The following ELF1 variants were observed in gnomAD, a reference collection of about 807,000 sequenced individuals.
ELF1 encodes E74 like ETS transcription factor 1.
Under a neutral mutation model 59.9 loss-of-function variants are expected in ELF1, and 24 were observed. The observed-to-expected ratio is 0.40, with a 90% CI of 0.29 to 0.56. ELF1 has a LOEUF of 0.56. Among genes scored for constraint, ELF1 ranks in the 20% least tolerant of loss-of-function variants. ELF1 has a pLI of 0.44. For missense variants in ELF1, 627 were observed against 742.2 expected (o/e 0.84, Z 1.80); for synonymous variants, 248 against 266.2 (o/e 0.93, Z 0.67).
chr13:40,972,234 T>G (rs1015008212), intron 2 of ELF1, among the ~76,000 whole-genome samples: 2 of 152,164 alleles, frequency 1.3e-5, no homozygotes, highest in Non-Finnish European at 2.9e-5. Flanking sequence ...TCTCCCAGAA[T>G]GGAAAATTCA....
upstream of ELF1, among the ~76,000 whole-genome samples, chr13:41,024,160 G>C (rs1235763139): frequency 1.3e-5 from 2 of 152,144 alleles, no homozygotes; most frequent in Middle Eastern, 3.2e-3. Flanking sequence ...TAAAAATAAT[G>C]TATCTTTTAC....
chr13:40,962,057 C>G (rs1224736337), intron 2 of ELF1, among the ~76,000 whole-genome samples: 1 of 152,186 alleles, frequency 6.6e-6, no homozygotes, highest in African/African-American at 2.4e-5. Flanking sequence ...CTTGTTACTA[C>G]TTTATTCCTT....
chr13:41,029,061 A>T (rs1485922948), intron 1 of ELF1, among the ~76,000 whole-genome samples: 1 of 152,154 alleles, frequency 6.6e-6, no homozygotes, highest in Non-Finnish European at 1.5e-5. Flanking sequence ...TTAATTTTAC[A>T]TCATATAATT....
intron 1 of ELF1, among the ~76,000 whole-genome samples, chr13:40,987,967 T>C (rs944415055): frequency 6.6e-6 from 1 of 150,990 alleles, no homozygotes; most frequent in Non-Finnish European, 1.5e-5. Context: ...GAAAACAGAG[T>C]AAGAAAGTGA....
At chr13:40,987,069 G>A (rs1873590593) in intron 1 of ELF1, among the ~76,000 whole-genome samples, 1 of 149,900 alleles carries the variant, frequency 6.7e-6, no homozygotes. Flanking sequence ...CTGAGTAGCT[G>A]GGACTACAGG....
rs182769915 is a variant in ELF1 at position 41,055,827 on chromosome 13, G to A, written c.-229+5011C>T. Among the ~76,000 whole-genome samples the A allele has an allele frequency of 1.9e-3, 285 of 151,770 alleles. 2 individuals carry two copies. Among genetic ancestry groups the A allele is most frequent in the African/African-American group, 6.5e-3 (271 of 41,396 alleles). ...AGCCTCCTGAGGAGCTGGGACTACA[G>A]GAACGCACCACCACACCAGCTAATT... On this transcript the variant is annotated intron_variant, in intron 1 of 1. Transcript: ENST00000405737.
At chr13:41,016,234 T>A (rs1013595282) in intron 1 of ELF1, among the ~76,000 whole-genome samples, 3 of 152,186 alleles carry the variant, frequency 2.0e-5, no homozygotes, top group Non-Finnish European at 4.4e-5. Context: ...TTTAGGACAA[T>A]GATGGCCACA....
intron 1 of ELF1, among the ~76,000 whole-genome samples, chr13:41,050,991 G>A (rs1483048018): frequency 2.6e-5 from 4 of 152,060 alleles, no homozygotes; most frequent in Admixed American, 2.6e-4. Context: ...GCTTTGTTTT[G>A]TTTTAATAGG....
At chr13:40,978,102 G>A (rs956755350) in intron 2 of ELF1, among the ~76,000 whole-genome samples, 3 of 152,130 alleles carry the variant, frequency 2.0e-5, no homozygotes, top group African/African-American at 7.2e-5. Flanking sequence ...AATGTAGGCC[G>A]GGGGCGGTGG....
intron 1 of ELF1, among the ~76,000 whole-genome samples, chr13:41,042,304 CT>C (rs60867312): frequency 7.3e-4 from 107 of 146,504 alleles, no homozygotes; most frequent in African/African-American, 1.9e-3. Context: ...TTTTCTTTTT[CT>C]TTTTTTTTTT....
chr13:40,993,052 T>C, intron 1 of ELF1: 3 of 1,605,230 alleles, frequency 1.9e-6, no homozygotes, highest in Non-Finnish European at 2.6e-6. Context: ...AAAAGGTTTC[T>C]TCCTGCTGGG....
chr13:41,030,148 C>T (rs1278099488), intron 1 of ELF1, among the ~76,000 whole-genome samples: 2 of 151,860 alleles, frequency 1.3e-5, no homozygotes, highest in Non-Finnish European at 2.9e-5. Flanking sequence ...GACACTCCAT[C>T]ATTTAGAAGT....
In ELF1 at chr13:40,933,516, T is replaced by A. The variant is rs1420680961; in HGVS notation, c.1769A>T (p.Gln590Leu). ...ENTEKTEQQP[Q>L]PYVMVVSSSN... is the part of the protein sequence containing the mutation. Reference sequence around the variant, plus strand: ...ACTGGACACTACCATCACATAAGGCTGTGGCTGCTGCTCCGTTTTCTCAGT... The same window carrying A: ...ACTGGACACTACCATCACATAAGGCAGTGGCTGCTGCTCCGTTTTCTCAGT... The change falls in exon 9 of 9, where the codon CAG becomes CTG. Residue 590 changes from glutamine (Q) to leucine (L), a missense_variant. By Grantham distance (113) the Gln-to-Leu change is moderately radical. Around this residue, in one of 3 missense-constraint regions of ELF1, gnomAD observed 361 missense variants for 396.1 expected, o/e 0.91. Transcript: ENST00000239882. The A allele has an allele frequency of 4.3e-6, 7 of 1,614,152 alleles. No individual in the cohort carries two copies. The highest frequency in any genetic ancestry group is 1.7e-5 in the Admixed American group (1 of 60,008).
At chr13:40,969,030 T>A (rs1872362893) in intron 2 of ELF1, among the ~76,000 whole-genome samples, 1 of 152,158 alleles carries the variant, frequency 6.6e-6, no homozygotes, top group African/African-American at 2.4e-5. Context: ...ACCTATTCCT[T>A]ATTATAAAAT....
chr13:41,014,600 T>C (rs983131895), intron 1 of ELF1, among the ~76,000 whole-genome samples: 1 of 152,156 alleles, frequency 6.6e-6, no homozygotes, highest in African/African-American at 2.4e-5. Context: ...TCCATACTAA[T>C]GGAAGGAAGA....
At chr13:41,051,979 C>T (rs1447658694) in intron 1 of ELF1, among the ~76,000 whole-genome samples, 13 of 129,552 alleles carry the variant, frequency 1.0e-4, no homozygotes, top group African/African-American at 3.9e-4. Context: ...CTCAGTCTGT[C>T]GCCCAGGCTA....
intron 1 of ELF1, among the ~76,000 whole-genome samples, chr13:40,994,961 AG>A (rs1163722898): frequency 6.6e-6 from 1 of 152,134 alleles, no homozygotes; most frequent in African/African-American, 2.4e-5. Context: ...GGGGGTGAAA[AG>A]CCAGGGATAT....
chr13:40,967,008 A>T (rs905828447), intron 2 of ELF1, among the ~76,000 whole-genome samples: 1 of 152,144 alleles, frequency 6.6e-6, no homozygotes, highest in Non-Finnish European at 1.5e-5. Flanking sequence ...AGCTCCCCTG[A>T]CTCCAAAGCC....
At chr13:41,057,457 G>A (rs948686781) in intron 1 of ELF1, among the ~76,000 whole-genome samples, 3 of 151,364 alleles carry the variant, frequency 2.0e-5, no homozygotes, top group Non-Finnish European at 2.9e-5. Flanking sequence ...GCAGTGGCAC[G>A]ATCCTGAGAT....
Sources: gnomAD v4.1 joint callset for allele counts (sites outside exome capture counted in the v4.1 genomes callset) on GRCh38, gnomAD v4.1.1 for gene constraint, gnomAD v4.1.1 regional missense constraint, MANE v1.5 for transcripts, NCBI Gene and HGNC (gene_info 2026-07-23, HGNC 2026-07-21) for gene names.